The following ST6GALNAC5 variants were observed in gnomAD, a reference collection of about 807,000 sequenced individuals.
ST6GALNAC5 encodes ST6 N-acetylgalactosaminide alpha-2,6-sialyltransferase 5.
Under a neutral mutation model 33.6 loss-of-function variants are expected in ST6GALNAC5, and 27 were observed. The ratio of observed to expected loss-of-function variants is 0.80; its 90% CI spans 0.59 to 1.11. The LOEUF is 1.11. Among genes scored for constraint, ST6GALNAC5 ranks in the 50% least tolerant of loss-of-function variants. The pLI, the probability that ST6GALNAC5 is intolerant of heterozygous loss-of-function variation, is 0.00. For synonymous variants in ST6GALNAC5, 194 were observed against 171.2 expected (o/e 1.13, Z -1.04); for missense variants, 428 against 454.0 (o/e 0.94, Z 0.52).
chr1:76,876,451 C>T (rs1352089991), intron 2 of ST6GALNAC5, among the ~76,000 whole-genome samples: 1 of 152,190 alleles, frequency 6.6e-6, no homozygotes, highest in Non-Finnish European at 1.5e-5. Flanking sequence ...TAAAATCCTC[C>T]TCTGCTGAAG....
chr1:76,925,054 G>T (rs759983225), intron 2 of ST6GALNAC5, among the ~76,000 whole-genome samples: 29 of 152,090 alleles, frequency 1.9e-4, no homozygotes, highest in Admixed American at 1.9e-3. Context: ...ATGATGGAAG[G>T]TGAAGGGGGA....
rs1188183165 is a variant in ST6GALNAC5, at chr1:77,063,130, A to G, written c.935A>G (p.Asn312Ser). ...TTTAAGAACTGGGCACGGACATTCA[A>G]TATTCACTTTTTTCAACCAGACTGG... ...RVFKNWARTF[N>S]IHFFQPDWKP... is the part of the protein sequence containing the mutation. Residue 312 changes from asparagine (N) to serine (S), a missense_variant, in exon 5 of 5, where the codon AAT becomes AGT. Asn to Ser is a conservative substitution (Grantham distance 46, BLOSUM62 1). Coordinates refer to ENST00000477717, the MANE Select transcript of ST6GALNAC5 (RefSeq NM_030965.3). 6.2e-7 allele frequency: 1 copy of G among 1,613,830 alleles called. No homozygotes were observed. The highest frequency in any genetic ancestry group is 1.3e-5 in the African/African-American group (1 of 74,990).
chr1:77,051,196 T>C (rs768571363), intron 4 of ST6GALNAC5, among the ~76,000 whole-genome samples: 2 of 152,240 alleles, frequency 1.3e-5, no homozygotes, highest in Non-Finnish European at 2.9e-5. Flanking sequence ...TTTCTAACAA[T>C]GTCTCGAAGG....
intron 2 of ST6GALNAC5, among the ~76,000 whole-genome samples, chr1:76,959,347 GTATC>G (rs1203957538): frequency 6.6e-6 from 1 of 152,152 alleles, no homozygotes; most frequent in Non-Finnish European, 1.5e-5. Flanking sequence ...TAGTATAATT[GTATC>G]TATCTTTTTC....
intron 2 of ST6GALNAC5, among the ~76,000 whole-genome samples, chr1:77,030,134 A>G (rs1355789555): frequency 1.3e-5 from 2 of 151,842 alleles, no homozygotes; most frequent in South Asian, 2.1e-4. Context: ...CTGCTTTCTG[A>G]TTTCTCCTGC....
chr1:77,017,743 C>G (rs1156868238), intron 2 of ST6GALNAC5, among the ~76,000 whole-genome samples: 4 of 152,066 alleles, frequency 2.6e-5, no homozygotes. Context: ...TTTTGTAAGT[C>G]TCAATAGTAT....
intron 2 of ST6GALNAC5, among the ~76,000 whole-genome samples, chr1:76,880,143 G>A (rs1290050641): frequency 6.6e-6 from 1 of 152,108 alleles, no homozygotes; most frequent in African/African-American, 2.4e-5. Context: ...ATGTTCTTTG[G>A]TTCTCCACAT....
rs73005320 is a variant in ST6GALNAC5 at position 77,046,399 on chromosome 1, A to T, written c.671+1786A>T. On this transcript the variant is annotated intron_variant, in intron 3 of 4. Transcript: ENST00000477717. ...CCCAAATTCTTTGTGTGGAAGAGCT[A>T]GATAGCTTTTAAATCCTAGAAACCT... Among the ~76,000 whole-genome samples, 1,315 of 152,360 alleles carry T rather than the reference A, an allele frequency of 8.6e-3. 15 individuals carry two copies. The highest frequency in any genetic ancestry group is 0.027 in the African/African-American group (1,115 of 41,586).
intron 2 of ST6GALNAC5, among the ~76,000 whole-genome samples, chr1:76,882,331 T>G (rs1008726669): frequency 6.6e-6 from 1 of 152,136 alleles, no homozygotes; most frequent in African/African-American, 2.4e-5. Flanking sequence ...GAGCACTCAT[T>G]TAGCTGAATT....
chr1:76,944,282 G>A (rs1164428897), intron 2 of ST6GALNAC5, among the ~76,000 whole-genome samples: 4 of 151,894 alleles, frequency 2.6e-5, no homozygotes, highest in Non-Finnish European at 4.4e-5. Flanking sequence ...TACCACTTAC[G>A]CAGCTAACAG....
intron 2 of ST6GALNAC5, among the ~76,000 whole-genome samples, chr1:76,999,572 G>T (rs1209541005): frequency 6.7e-6 from 1 of 150,336 alleles, no homozygotes; most frequent in Non-Finnish European, 1.5e-5. Context: ...CATGTGCCAT[G>T]CTGGTGCGCT....
intron 2 of ST6GALNAC5, among the ~76,000 whole-genome samples, chr1:76,944,800 C>T (rs540978640): frequency 1.3e-5 from 2 of 152,202 alleles, no homozygotes; most frequent in South Asian, 4.1e-4. Context: ...TCTCTTCTTC[C>T]CTCCACTAGT....
chr1:76,883,601 G>A (rs1324747842), intron 2 of ST6GALNAC5, among the ~76,000 whole-genome samples: 1 of 152,176 alleles, frequency 6.6e-6, no homozygotes, highest in Non-Finnish European at 1.5e-5. Context: ...CAGAACAGCT[G>A]ACCAGATGTG....
chr1:77,041,514 A>T (rs1437376645), intron 2 of ST6GALNAC5, among the ~76,000 whole-genome samples: 2 of 152,230 alleles, frequency 1.3e-5, no homozygotes, highest in East Asian at 1.9e-4. Flanking sequence ...TTATCATGGA[A>T]CTCTTCCCTC....
intron 3 of ST6GALNAC5, among the ~76,000 whole-genome samples, chr1:77,049,979 T>C (rs1652166360): frequency 6.6e-6 from 1 of 152,216 alleles, no homozygotes; most frequent in South Asian, 2.1e-4. Flanking sequence ...CTTAAACATT[T>C]AAACACTGAT....
In ST6GALNAC5 at chr1:76,988,191, T is replaced by C. The variant is rs548567735; in HGVS notation, c.262-56013T>C. 6.2e-4 allele frequency among the ~76,000 whole-genome samples: 95 copies of C among 152,258 alleles called. 1 individual carries two copies. The highest frequency in any genetic ancestry group is 2.2e-3 in the African/African-American group (93 of 41,580). ...GAGACTTTCCTGTGCATTTTGCATT[T>C]CTTTAAGTGTGCCCTTGATTTCCAG... On this transcript the variant is annotated intron_variant, in intron 2 of 4. Transcript: ENST00000477717.
At position 77,065,211 on chromosome 1, in the gene ST6GALNAC5, T is replaced by C. The variant is rs549540769; in HGVS notation, c.*2005T>C. On this transcript the variant is annotated 3_prime_UTR_variant, in exon 5 of 5. Coordinates refer to ENST00000477717, the MANE Select transcript of ST6GALNAC5 (RefSeq NM_030965.3). ...TTTATAATCACTTGAAGACGTTATG[T>C]TGCTCAAACATAAGTGGCTCCTTTG... 6.6e-6 allele frequency: 1 copy of C among 152,328 alleles called. No homozygotes were observed. The highest frequency in any genetic ancestry group is 2.4e-5 in the African/African-American group (1 of 41,570). The allele number at this position is 152,328 out of a possible 1,614,324, so 9.4% of individuals were successfully genotyped here.
At chr1:77,056,494 T>A (rs1208397889) in intron 4 of ST6GALNAC5, among the ~76,000 whole-genome samples, 1 of 152,194 alleles carries the variant, frequency 6.6e-6, no homozygotes, top group Admixed American at 6.5e-5. Context: ...GTCATGGAAC[T>A]AAATTAATAT....
chr1:77,058,233 T>A (rs562750430), intron 4 of ST6GALNAC5, among the ~76,000 whole-genome samples: 35 of 152,324 alleles, frequency 2.3e-4, no homozygotes, highest in Non-Finnish European at 4.6e-4. Context: ...TGTGCATGAG[T>A]TTCCTCGTCT....
Sources: gnomAD v4.1 joint callset for allele counts (sites outside exome capture counted in the v4.1 genomes callset) on GRCh38, gnomAD v4.1.1 for gene constraint, MANE v1.5 for transcripts, NCBI Gene and HGNC (gene_info 2026-07-23, HGNC 2026-07-21) for gene names.